PRMT3: variants seen among roughly 807,000 people sequenced by gnomAD.
The protein encoded by PRMT3 is protein arginine N-methyltransferase 3.
A neutral mutation model predicts 71.9 loss-of-function variants in PRMT3; 62 were observed. That is an observed-to-expected ratio of 0.86 (90% CI 0.70 to 1.07). PRMT3 has a LOEUF of 1.07. Ranked by LOEUF, PRMT3 falls within the 50% of genes least tolerant of loss-of-function variation. The pLI is 0.00. For missense variants in PRMT3, 663 were observed against 643.0 expected (o/e 1.03, Z -0.34); for synonymous variants, 213 against 220.4 (o/e 0.97, Z 0.30).
At chr11:20,482,784 ATG>A (rs1453704876) in intron 13 of PRMT3, among the ~76,000 whole-genome samples, 7 of 151,584 alleles carry the variant, frequency 4.6e-5, no homozygotes, top group Admixed American at 3.9e-4. Context: ...ATGTATATGT[ATG>A]TATTAACAGG....
At chr11:20,434,369 CTTTAG>C (rs200784984) in intron 10 of PRMT3, among the ~76,000 whole-genome samples, 1,606 of 152,250 alleles carry the variant, frequency 0.011, 14 homozygotes, top group Non-Finnish European at 0.017. Context: ...TGCAGAAGCT[CTTTAG>C]TTTAATTAAA....
intron 10 of PRMT3, among the ~76,000 whole-genome samples, chr11:20,433,287 T>C (rs959383688): frequency 1.3e-5 from 2 of 152,174 alleles, no homozygotes; most frequent in African/African-American, 2.4e-5. Flanking sequence ...CTCCCACTTA[T>C]AAGTGAGAAC....
At chr11:20,405,140 T>C (rs996672140) in intron 8 of PRMT3, among the ~76,000 whole-genome samples, 2 of 152,166 alleles carry the variant, frequency 1.3e-5, no homozygotes, top group African/African-American at 4.8e-5. Context: ...CTTAATATTA[T>C]TTCAATTCAC....
At chr11:20,395,988 A>G (rs1184006054) in intron 6 of PRMT3, 26 bp downstream of exon 6, 1 of 1,608,534 alleles carries the variant, frequency 6.2e-7, no homozygotes, top group Admixed American at 1.7e-5. Context: ...TGCAAAATTA[A>G]TTGTTTTAGA....
chr11:20,393,446 C>G (rs755595773), intron 5 of PRMT3, among the ~76,000 whole-genome samples: 15 of 152,138 alleles, frequency 9.9e-5, no homozygotes, highest in Non-Finnish European at 2.2e-4. Context: ...TCTGGTTTTG[C>G]CTTTAATTGC....
chr11:20,502,332 A>G (rs887198972), intron 15 of PRMT3, among the ~76,000 whole-genome samples: 4 of 152,208 alleles, frequency 2.6e-5, no homozygotes. Flanking sequence ...AGTGTGAATT[A>G]TGTATTTATT....
chr11:20,391,626 T>C (rs1468055213), intron 3 of PRMT3, among the ~76,000 whole-genome samples: 4 of 152,064 alleles, frequency 2.6e-5, no homozygotes, highest in Non-Finnish European at 4.4e-5. Flanking sequence ...TACTTACCGA[T>C]ATAGGGGGTT....
chr11:20,468,885 A>G (rs1202652565), intron 13 of PRMT3, among the ~76,000 whole-genome samples: 1 of 152,112 alleles, frequency 6.6e-6, no homozygotes, highest in Non-Finnish European at 1.5e-5. Flanking sequence ...TCCACCACCA[A>G]ATACACACAT....
intron 13 of PRMT3, among the ~76,000 whole-genome samples, chr11:20,483,172 A>G (rs978345934): frequency 3.9e-5 from 6 of 152,148 alleles, no homozygotes. Flanking sequence ...GAACTTGGTC[A>G]CCTAGACACA....
chr11:20,497,199 T>C (rs946767172), intron 15 of PRMT3, among the ~76,000 whole-genome samples: 3 of 152,318 alleles, frequency 2.0e-5, no homozygotes, highest in Middle Eastern at 3.4e-3. Context: ...AAATATTGTT[T>C]GATGACTAGT....
intron 10 of PRMT3, among the ~76,000 whole-genome samples, chr11:20,438,295 T>G (rs1849807279): frequency 6.6e-6 from 1 of 151,746 alleles, no homozygotes; most frequent in Non-Finnish European, 1.5e-5. Context: ...GGGTACACTG[T>G]ACAGTAGTGA....
intron 13 of PRMT3, among the ~76,000 whole-genome samples, chr11:20,484,894 CCAAGA>C (rs1456732995): frequency 2.0e-5 from 3 of 152,184 alleles, no homozygotes; most frequent in Admixed American, 2.0e-4. Context: ...TACTACTAAG[CCAAGA>C]CTCAGAAAAG....
intron 9 of PRMT3, among the ~76,000 whole-genome samples, chr11:20,413,660 T>C (rs1849241622): frequency 1.3e-5 from 2 of 152,038 alleles, no homozygotes; most frequent in African/African-American, 4.8e-5. Context: ...GATGGACATT[T>C]ATTGCAGCTA....
At chr11:20,506,116 ACCT>A (rs1851585046) in intron 15 of PRMT3, among the ~76,000 whole-genome samples, 1 of 152,204 alleles carries the variant, frequency 6.6e-6, no homozygotes, top group Non-Finnish European at 1.5e-5. Flanking sequence ...AAATGCGCTT[ACCT>A]CATAGCAATA....
In PRMT3 at chr11:20,390,724, G is replaced by A. The variant is rs143535043; in HGVS notation, c.247+898G>A. Among the ~76,000 whole-genome samples the A allele has an allele frequency of 1.1e-4, 16 of 152,340 alleles. No homozygotes were observed. In the East Asian group the frequency reaches 2.9e-3, roughly 28 times the overall value. ...GCCAGGTGCTGTGGCTCACGCCTGT[G>A]ATTCCAACACTTTGGGAGGCCAAGG... On this transcript the variant is annotated intron_variant, in intron 3 of 15. Transcript: ENST00000331079.
chr11:20,455,688 C>CA (rs1156787758), intron 11 of PRMT3, among the ~76,000 whole-genome samples: 1 of 150,682 alleles, frequency 6.6e-6, no homozygotes, highest in African/African-American at 2.5e-5. Context: ...ATACTGCTAC[C>CA]AAATATTAAA....
intron 11 of PRMT3, among the ~76,000 whole-genome samples, chr11:20,458,126 GCATTTTTGCTAC>G (rs1850308503): frequency 6.6e-6 from 1 of 151,946 alleles, no homozygotes; most frequent in Non-Finnish European, 1.5e-5. Context: ...TGCATATCAA[GCATTTTTGCTAC>G]CATTGTTATT....
At chr11:20,501,662 T>G (rs1325697491) in intron 15 of PRMT3, among the ~76,000 whole-genome samples, 1 of 152,218 alleles carries the variant, frequency 6.6e-6, no homozygotes, top group African/African-American at 2.4e-5. Flanking sequence ...GAAGGTAATA[T>G]GACAAGATAA....
intron 15 of PRMT3, among the ~76,000 whole-genome samples, chr11:20,499,413 G>C (rs1192652383): frequency 6.6e-6 from 1 of 152,160 alleles, no homozygotes; most frequent in Admixed American, 6.5e-5. Context: ...CTGAGGCCAA[G>C]AGTTTGAGAC....
Sources: gnomAD v4.1 joint callset for allele counts (sites outside exome capture counted in the v4.1 genomes callset) on GRCh38, gnomAD v4.1.1 for gene constraint, MANE v1.5 for transcripts, NCBI Gene and HGNC (gene_info 2026-07-23, HGNC 2026-07-21) for gene names.